The following ALCAM variants were observed in gnomAD, a reference collection of about 807,000 sequenced individuals.
ALCAM encodes CD166 antigen.
ALCAM carries 30 observed loss-of-function variants against 70.9 expected under a neutral mutation model. The observed-to-expected ratio is 0.42, with a 90% CI of 0.32 to 0.57. The LOEUF is 0.57. ALCAM is among the 20% of genes least tolerant of loss of function. ALCAM has a pLI of 0.11. For missense variants in ALCAM, 591 were observed against 695.1 expected (o/e 0.85, Z 1.68); for synonymous variants, 249 against 242.5 (o/e 1.03, Z -0.25).
At chr3:105,570,932 G>T (rs1157286236) in intron 14 of ALCAM, among the ~76,000 whole-genome samples, 1 of 152,120 alleles carries the variant, frequency 6.6e-6, no homozygotes, top group Non-Finnish European at 1.5e-5. Flanking sequence ...CTGGATGCTG[G>T]GAGGAAAGGA....
chr3:105,404,154 G>A (rs992293565), intron 1 of ALCAM, among the ~76,000 whole-genome samples: 3 of 151,976 alleles, frequency 2.0e-5, no homozygotes, highest in Admixed American at 1.3e-4. Context: ...TAAAAGTATT[G>A]AAAACATATT....
intron 1 of ALCAM, among the ~76,000 whole-genome samples, chr3:105,397,621 T>G (rs1935988023): frequency 6.6e-6 from 1 of 151,934 alleles, no homozygotes; most frequent in African/African-American, 2.4e-5. Flanking sequence ...CCTCCAATTT[T>G]CAATAACAAC....
chr3:105,447,214 G>A (rs1032042914), intron 1 of ALCAM, among the ~76,000 whole-genome samples: 15 of 151,982 alleles, frequency 9.9e-5, no homozygotes, highest in Admixed American at 3.3e-4. Context: ...AAAGAGAAAT[G>A]TGATATATAT....
chr3:105,529,765 G>T (rs1939793349), intron 3 of ALCAM, among the ~76,000 whole-genome samples: 1 of 152,098 alleles, frequency 6.6e-6, no homozygotes, highest in Non-Finnish European at 1.5e-5. Flanking sequence ...ATGACCATGA[G>T]TAAAGGACCA....
intron 1 of ALCAM, among the ~76,000 whole-genome samples, chr3:105,407,112 G>A (rs1936255931): frequency 6.6e-6 from 1 of 152,066 alleles, no homozygotes; most frequent in Admixed American, 6.6e-5. Flanking sequence ...ATTCACAGCT[G>A]AATTCTATTA....
intron 1 of ALCAM, among the ~76,000 whole-genome samples, chr3:105,400,596 G>A (rs536186467): frequency 2.0e-5 from 3 of 152,236 alleles, no homozygotes; most frequent in African/African-American, 7.2e-5. Context: ...CTCAGGTTCA[G>A]AGATGAGTAA....
At chr3:105,571,080 C>A (rs1940850903) in intron 14 of ALCAM, among the ~76,000 whole-genome samples, 1 of 152,108 alleles carries the variant, frequency 6.6e-6, no homozygotes, top group East Asian at 1.9e-4. Flanking sequence ...AGAATAAGAG[C>A]CTAGGCATGG....
At chr3:105,388,926 T>C (rs545992008) in intron 1 of ALCAM, among the ~76,000 whole-genome samples, 3 of 151,686 alleles carry the variant, frequency 2.0e-5, no homozygotes, top group African/African-American at 7.2e-5. Context: ...GAAGAAAGAA[T>C]AATTGAAACA....
At chr3:105,382,787 G>C (rs768091543) in intron 1 of ALCAM, among the ~76,000 whole-genome samples, 30 of 151,918 alleles carry the variant, frequency 2.0e-4, no homozygotes, top group Middle Eastern at 3.4e-3. Context: ...TGATGGGGTT[G>C]TTTGTTTTTT....
At chr3:105,436,382 G>T (rs190222984) in intron 1 of ALCAM, among the ~76,000 whole-genome samples, 2 of 151,686 alleles carry the variant, frequency 1.3e-5, no homozygotes, top group African/African-American at 4.8e-5. Context: ...TCACTGTGTC[G>T]CCCAGGCTGG....
At chr3:105,527,061 T>C (rs569273971) in intron 3 of ALCAM, among the ~76,000 whole-genome samples, 1 of 152,322 alleles carries the variant, frequency 6.6e-6, no homozygotes, top group Admixed American at 6.5e-5. Flanking sequence ...ATTCCTCATA[T>C]GCAAGAAATC....
chr3:105,439,256 TTTAA>T (rs1937119168), intron 1 of ALCAM: 1 of 152,192 alleles, frequency 6.6e-6, no homozygotes, highest in Admixed American at 6.5e-5. Context: ...AGAAATTCTA[TTTAA>T]TTGTTTAAGT....
chr3:105,506,192 A>G (rs1939072844), intron 1 of ALCAM, among the ~76,000 whole-genome samples: 1 of 152,330 alleles, frequency 6.6e-6, no homozygotes, highest in South Asian at 2.1e-4. Flanking sequence ...TAATAGTTAT[A>G]TTTGCATGTT....
intron 1 of ALCAM, among the ~76,000 whole-genome samples, chr3:105,423,580 G>T (rs547944213): frequency 2.7e-5 from 4 of 150,708 alleles, no homozygotes; most frequent in Admixed American, 6.6e-5. Context: ...TCTCCTCCAG[G>T]ACTCTGTTTG....
rs968824958 is a variant in ALCAM, at chr3:105,488,183, C to T, written c.74-31884C>T. On this transcript the variant is annotated intron_variant, in intron 1 of 15. Coordinates refer to ENST00000306107, the MANE Select transcript of ALCAM (RefSeq NM_001627.4). The stretch of plus-strand genomic sequence containing the variant: ...CACACTGGCTCCCCTTCCCTTTCTG[C>T]TGTGAATGGAAGCAGCTTGAGGCCC... Among the ~76,000 whole-genome samples the T allele has an allele frequency of 4.7e-4, 71 of 152,224 alleles. 1 individual carries two copies. Among genetic ancestry groups the T allele is most frequent in the African/African-American group, 1.4e-3 (59 of 41,540 alleles).
chr3:105,495,502 A>G (rs1389276290), intron 1 of ALCAM, among the ~76,000 whole-genome samples: 2 of 152,250 alleles, frequency 1.3e-5, no homozygotes, highest in African/African-American at 4.8e-5. Flanking sequence ...TGTGAAAGAT[A>G]GAGCCCTGGT....
At chr3:105,483,259 A>G (rs1294451543) in intron 1 of ALCAM, among the ~76,000 whole-genome samples, 1 of 152,152 alleles carries the variant, frequency 6.6e-6, no homozygotes, top group Non-Finnish European at 1.5e-5. Context: ...TGTCCTATTT[A>G]TTCATCAATA....
Position 105,558,318 on chromosome 3 carries a change from G to A in ALCAM, c.1664+5733G>A, listed in dbSNP as rs150919168. Among the ~76,000 whole-genome samples, 600 of 152,274 alleles carry A rather than the reference G, an allele frequency of 3.9e-3. 1 individual carries two copies. The highest frequency in any genetic ancestry group is 0.014 in the African/African-American group (582 of 41,558). On this transcript the variant is annotated intron_variant, in intron 14 of 15. Coordinates refer to ENST00000306107, the MANE Select transcript of ALCAM (RefSeq NM_001627.4). ...AATTTGTTATACAAACTGAAAGCCT[G>A]CTTGGAAAACCTAAAATCTCATGTA...
At position 105,511,823 on chromosome 3, in the gene ALCAM, C is replaced by A. The variant is rs1256198202; in HGVS notation, c.74-8244C>A. Among the ~76,000 whole-genome samples the A allele has an allele frequency of 4.6e-5, 7 of 152,014 alleles. No individual in the cohort carries two copies. The South Asian group carries it at 1.5e-3, about 31-fold the overall frequency. On this transcript the variant is annotated intron_variant, in intron 1 of 15. Coordinates refer to ENST00000306107, the MANE Select transcript of ALCAM (RefSeq NM_001627.4). ...TACTTAATGTGGAATATACCAGAAG[C>A]TAGCATACCGGACTAGATCACTCAA...
Sources: gnomAD v4.1 joint callset for allele counts (sites outside exome capture counted in the v4.1 genomes callset) on GRCh38, gnomAD v4.1.1 for gene constraint, MANE v1.5 for transcripts, NCBI Gene and HGNC (gene_info 2026-07-23, HGNC 2026-07-21) for gene names.